The following CFAP91 variants were observed in gnomAD, a reference collection of about 807,000 sequenced individuals.
CFAP91 encodes cilia and flagella associated protein 91, also known as cilia- and flagella-associated protein 91.
A neutral mutation model predicts 95.9 loss-of-function variants in CFAP91; 85 were observed. The observed-to-expected ratio is 0.89, with a 90% CI of 0.74 to 1.06. CFAP91 has a LOEUF of 1.06. Among genes scored for constraint, CFAP91 ranks in the 50% least tolerant of loss-of-function variants. The pLI is 0.00. For missense variants in CFAP91, 962 were observed against 943.4 expected (o/e 1.02, Z -0.26); for synonymous variants, 335 against 327.5 (o/e 1.02, Z -0.25).
At chr3:119,729,761 G>A (rs1312547999) in intron 7 of CFAP91, among the ~76,000 whole-genome samples, 2 of 152,214 alleles carry the variant, frequency 1.3e-5, no homozygotes, top group Non-Finnish European at 2.9e-5. Context: ...TTGAAGGTAG[G>A]AGGAAAGGAA....
intron 17 of CFAP91, among the ~76,000 whole-genome samples, chr3:119,758,659 C>A (rs9809148): frequency 6.6e-6 from 1 of 151,932 alleles, no homozygotes; most frequent in Non-Finnish European, 1.5e-5. Flanking sequence ...AAATGCCTTC[C>A]AAGCAATAAA....
rs2054155608 is a variant in CFAP91 at position 119,743,244 on chromosome 3, A to G, written c.1681-731A>G. On this transcript the variant is annotated intron_variant, in intron 13 of 17. Coordinates refer to ENST00000273390, the MANE Select transcript of CFAP91 (RefSeq NM_033364.4). ...GCAATTCTCCTGCCTCAGGCTCCCG[A>G]GTAGCTGGGATTACAGGCACGCACC... Among the ~76,000 whole-genome samples the G allele has an allele frequency of 2.0e-5, 3 of 150,852 alleles. No individual in the cohort carries two copies. The South Asian group carries it at 6.3e-4, about 32-fold the overall frequency.
chr3:119,718,522 A>G (rs1009460876), intron 6 of CFAP91, among the ~76,000 whole-genome samples: 13 of 152,292 alleles, frequency 8.5e-5, no homozygotes, highest in African/African-American at 3.1e-4. Flanking sequence ...ACTCCCCAGA[A>G]CTAAAGAAAG....
chr3:119,720,498 A>G (rs1390931006), intron 6 of CFAP91, among the ~76,000 whole-genome samples: 2 of 152,150 alleles, frequency 1.3e-5, no homozygotes, highest in Non-Finnish European at 2.9e-5. Context: ...ACCTGAATAG[A>G]AGAGTAACTA....
At chr3:119,753,334 T>C (rs1291792917) in intron 17 of CFAP91, among the ~76,000 whole-genome samples, 1 of 152,146 alleles carries the variant, frequency 6.6e-6, no homozygotes, top group Non-Finnish European at 1.5e-5. Flanking sequence ...TATGCCCTAG[T>C]GGTAAGGGTT....
chr3:119,726,231 G>A lies in CFAP91; in HGVS notation c.743G>A (p.Arg248His), dbSNP rs201152990. Residue 248 changes from arginine to histidine, a missense_variant, in exon 7 of 18, where the codon CGT (arginine) becomes CAT (histidine). Arg to His is a conservative substitution (Grantham distance 29). Transcript: ENST00000273390. ...VEMIERAREK[R>H]AWEASLPALS... Reference sequence around the variant, plus strand: ...ATGATAGAAAGAGCCCGCGAGAAGCGTGCTTGGGAAGCCTCTCTCCCCGCT... The same window carrying A: ...ATGATAGAAAGAGCCCGCGAGAAGCATGCTTGGGAAGCCTCTCTCCCCGCT... 1.4e-4 allele frequency: 223 copies of A among 1,613,670 alleles called. 1 individual carries two copies. Among genetic ancestry groups the A allele is most frequent in the Non-Finnish European group, 7.8e-5 (92 of 1,179,864 alleles).
chr3:119,740,566 A>C lies in CFAP91; in HGVS notation c.1551A>C (p.Glu517Asp). ...VVQNMMFEGK[E>D]KRLELIQELR... ...TGATACAGATGTTTGAAGGGAAAGA[A>C]AAGCGACTGGAGTTGATCCAGGAGT... The change falls in exon 13 of 18, where the codon GAA becomes GAC. Residue 517 changes from glutamate to aspartate, a missense_variant. Coordinates refer to ENST00000273390, the MANE Select transcript of CFAP91 (RefSeq NM_033364.4). The C allele has an allele frequency of 6.2e-7, 1 of 1,613,362 alleles. No homozygotes were observed.
At position 119,715,622 on chromosome 3, in the gene CFAP91, T is replaced by G; in HGVS notation, c.561T>G (p.Ser187=). 6.2e-7 allele frequency: 1 copy of G among 1,613,984 alleles called. No individual in the cohort carries two copies. The highest frequency in any genetic ancestry group is 1.7e-5 in the Admixed American group (1 of 60,018). ...AGCACCTATCCATCCCTTCAAAGTCTACTGTGGGCACTCAGACTGATTATC... is the reference window on the plus strand; with the variant it reads ...AGCACCTATCCATCCCTTCAAAGTCGACTGTGGGCACTCAGACTGATTATC... ...STKHLSIPSK[S]TVGTQTDYRD... The change falls in exon 6 of 18, where the codon TCT becomes TCG. Residue 187 remains serine (S), a synonymous_variant. Coordinates refer to ENST00000273390, the MANE Select transcript of CFAP91 (RefSeq NM_033364.4).
At position 119,703,204 on chromosome 3, in the gene CFAP91, G is replaced by T. The variant is rs1450889103; in HGVS notation, c.106G>T (p.Ala36Ser). Residue 36 changes from alanine (A) to serine (S), a missense_variant, in exon 1 of 18, where the codon GCG becomes TCG. By Grantham distance (99) the Ala-to-Ser change is moderately conservative. Transcript: ENST00000273390. Reference protein sequence around the residue: ...RAGSHISSNRAYDFLYDPLFI... With the variant: ...RAGSHISSNRSYDFLYDPLFI... ...TGGGAGCCACATCTCCTCCAATCGA[G>T]CGTATGATTTTCTGTACGGTAAGGA... is the stretch of plus-strand genomic sequence containing the variant. 1 of 1,612,234 alleles carries T rather than the reference G, an allele frequency of 6.2e-7. No homozygotes were observed. The highest frequency in any genetic ancestry group is 8.5e-7 in the Non-Finnish European group (1 of 1,179,204).
At position 119,737,408 on chromosome 3, in the gene CFAP91, C is replaced by A. The variant is rs374970805; in HGVS notation, c.1387C>A (p.Pro463Thr). Residue 463 changes from proline to threonine, a missense_variant, in exon 11 of 18, where the codon CCC becomes ACC. Coordinates refer to ENST00000273390, the MANE Select transcript of CFAP91 (RefSeq NM_033364.4). ...KKNKVLEVKK[P>T]PRFLQRNPIP... Reference sequence around the variant, plus strand: ...GAATAAAGTTCTTGAAGTAAAGAAACCCCCTCGCTTCCTTCAAAGAAACCC... The same window carrying A: ...GAATAAAGTTCTTGAAGTAAAGAAAACCCCTCGCTTCCTTCAAAGAAACCC... The A allele has an allele frequency of 3.8e-5, 61 of 1,610,386 alleles. No homozygotes were observed. In the East Asian group the frequency reaches 4.3e-4, roughly 11 times the overall value.
At chr3:119,754,979 A>C (rs2054398228) in intron 17 of CFAP91, among the ~76,000 whole-genome samples, 1 of 152,214 alleles carries the variant, frequency 6.6e-6, no homozygotes, top group African/African-American at 2.4e-5. Flanking sequence ...CTTGCTTAGG[A>C]TCCATCACCC....
chr3:119,723,602 A>G (rs144769327), intron 6 of CFAP91, among the ~76,000 whole-genome samples: 108 of 152,358 alleles, frequency 7.1e-4, no homozygotes, highest in South Asian at 3.5e-3. Flanking sequence ...ATGAATAGCT[A>G]TAGTACAATA....
At chr3:119,719,605 A>G (rs558442650) in intron 6 of CFAP91, among the ~76,000 whole-genome samples, 2 of 152,360 alleles carry the variant, frequency 1.3e-5, no homozygotes, top group South Asian at 2.1e-4. Flanking sequence ...CAGATCTTTT[A>G]AAAGGCAAAA....
In CFAP91 at chr3:119,714,365, CA is replaced by C. The variant is rs1265042198; in HGVS notation, c.501-1177del. Reference sequence around the variant, plus strand: ...TGGGCGACAGAGCGAGACTCCGTCTCAAAAAAAAAAAAAAAAAAAAGAAAGA... The same window carrying C: ...TGGGCGACAGAGCGAGACTCCGTCTCAAAAAAAAAAAAAAAAAAAGAAAGA... On this transcript the variant is annotated intron_variant, in intron 5 of 17. Transcript: ENST00000273390. Among the ~76,000 whole-genome samples the C allele has an allele frequency of 7.6e-3, 977 of 128,592 alleles. 7 individuals carry two copies. The highest frequency in any genetic ancestry group is 0.028 in the African/African-American group (867 of 30,614). The allele number at this position is 128,592 out of a possible 152,430, so 84.4% of individuals were successfully genotyped here. A position where few individuals can be genotyped will look rare whatever the true frequency, so the allele number is the denominator to read the frequency against.
intron 5 of CFAP91, among the ~76,000 whole-genome samples, chr3:119,711,825 A>G (rs532195096): frequency 6.6e-6 from 1 of 152,380 alleles, no homozygotes; most frequent in African/African-American, 2.4e-5. Flanking sequence ...AAAGAGAATA[A>G]AAAGTTAATA....
In CFAP91 at chr3:119,715,698, C is replaced by G; in HGVS notation, c.637C>G (p.Gln213Glu). The change falls in exon 6 of 18, where the codon CAG becomes GAG. Residue 213 changes from glutamine to glutamate, a missense_variant. By Grantham distance (29) the Gln-to-Glu change is conservative. Transcript: ENST00000273390. ...DPYSAEYVVC[Q>E]DSIPELLTLA... ...ATACTCTGCAGAATATGTAGTATGT[C>G]AGGACTCAATCCCTGAGCTCTTGAC... is the stretch of plus-strand genomic sequence containing the variant. 1 of 1,614,064 alleles carries G rather than the reference C, an allele frequency of 6.2e-7. No individual in the cohort carries two copies. Among genetic ancestry groups the G allele is most frequent in the Non-Finnish European group, 8.5e-7 (1 of 1,179,934 alleles).
intron 6 of CFAP91, among the ~76,000 whole-genome samples, chr3:119,720,180 A>G (rs2107870060): frequency 6.6e-6 from 1 of 151,668 alleles, no homozygotes; most frequent in East Asian, 1.9e-4. Flanking sequence ...CGAGGTCAAG[A>G]GATCGAGACC....
intron 7 of CFAP91, among the ~76,000 whole-genome samples, chr3:119,729,385 G>A (rs2053849938): frequency 1.3e-5 from 2 of 152,132 alleles, no homozygotes; most frequent in Admixed American, 6.5e-5. Flanking sequence ...GGTGGCTCAC[G>A]CTTGTAATCC....
chr3:119,711,218 TG>T (rs2053466771), intron 5 of CFAP91, among the ~76,000 whole-genome samples: 1 of 152,208 alleles, frequency 6.6e-6, no homozygotes, highest in South Asian at 2.1e-4. Context: ...ACTGTGTGGA[TG>T]GCTTTGGCTC....
Sources: allele counts gnomAD v4.1 joint callset (sites outside exome capture counted in the v4.1 genomes callset), GRCh38; gene constraint gnomAD v4.1.1; transcripts MANE v1.5; gene names NCBI Gene and HGNC (gene_info 2026-07-23, HGNC 2026-07-21).